Variants in NPAS3 observed in about 807,000 individuals in gnomAD.
NPAS3 encodes the protein neuronal PAS domain protein 3, also known as neuronal PAS domain-containing protein 3.
In NPAS3, 14 loss-of-function variants were observed where a neutral mutation model predicts 73.1. The ratio of observed to expected loss-of-function variants is 0.19; its 90% confidence interval spans 0.13 to 0.30. The LOEUF is 0.30. Ranked by LOEUF, NPAS3 falls within the 10% of genes least tolerant of loss-of-function variation. The pLI is 1.00. For synonymous variants in NPAS3, 620 were observed against 541.5 expected, an observed-to-expected ratio of 1.14 and a Z score of -2.01; for missense variants, 1,096 against 1,250.0, an observed-to-expected ratio of 0.88 and a Z score of 1.86.
chr14:33,774,408 C>T (rs1020789231), exon 8 of NPAS3: 2 of 1,614,150 alleles, frequency 1.2e-6, no homozygotes, highest in Admixed American at 1.7e-5. Context: ...CCAGCCAAAT[C>T]ATGGGTCTCG....
chr14:33,629,575 T>A lies in NPAS3; in HGVS notation c.559-46636T>A, dbSNP rs1448477104. ...TCAATGGTTTTTTTTGTTGTTTTTGTTTTTTTTTTTAACACATTCCCTCTA... is the reference window on the plus strand; with the variant it reads ...TCAATGGTTTTTTTTGTTGTTTTTGATTTTTTTTTTAACACATTCCCTCTA... On this transcript the variant is annotated intron_variant, in intron 5 of 11. Coordinates refer to ENST00000356141, the Ensembl canonical transcript of NPAS3. Among the ~76,000 whole-genome samples, 4 of 128,530 alleles carry A rather than the reference T, an allele frequency of 3.1e-5. No homozygotes were observed. In the East Asian group the frequency reaches 1.0e-3, roughly 34 times the overall value. 84.3% of individuals were successfully genotyped at this position (128,530 alleles called of 152,430 possible).
chr14:33,179,191 G>GT lies in NPAS3; in HGVS notation c.141-35988dup, dbSNP rs574592608. On this transcript the variant is annotated intron_variant, in intron 2 of 11. Transcript: ENST00000356141. ...TTATGTTAATATGATGTTGGAGTTGGTTTGCTAGAGGAAGCTATATGAGTC... is the reference window on the plus strand; with the variant it reads ...TTATGTTAATATGATGTTGGAGTTGGTTTTGCTAGAGGAAGCTATATGAGTC... Among the ~76,000 whole-genome samples, 81 of 152,110 alleles carry GT rather than the reference G, an allele frequency of 5.3e-4. 1 individual carries two copies. Among genetic ancestry groups the GT allele is most frequent in the Admixed American group, 4.9e-3 (75 of 15,274 alleles).
intron 5 of NPAS3, among the ~76,000 whole-genome samples, chr14:33,565,307 A>T (rs189004098): frequency 5.9e-5 from 9 of 152,262 alleles, no homozygotes; most frequent in African/African-American, 2.2e-4. Flanking sequence ...GCTACAGCAC[A>T]CAAGTACAAG....
chr14:33,382,014 G>A (rs927933747), intron 4 of NPAS3, among the ~76,000 whole-genome samples: 1 of 152,084 alleles, frequency 6.6e-6, no homozygotes. Flanking sequence ...ATCATTTGGG[G>A]CCACATCAAC....
intron 4 of NPAS3, among the ~76,000 whole-genome samples, chr14:33,438,711 G>T (rs182943983): frequency 6.6e-6 from 1 of 152,002 alleles, no homozygotes; most frequent in Non-Finnish European, 1.5e-5. Context: ...CTCTAACTGT[G>T]GTAATAAATA....
At chr14:33,359,898 TAGAGG>T (rs1236386971) in intron 3 of NPAS3, among the ~76,000 whole-genome samples, 1 of 152,214 alleles carries the variant, frequency 6.6e-6, no homozygotes, top group African/African-American at 2.4e-5. Flanking sequence ...AGGTGTTTTG[TAGAGG>T]AAAGTGTTCA....
intron 4 of NPAS3, among the ~76,000 whole-genome samples, chr14:33,439,469 T>A (rs1371252234): frequency 6.6e-6 from 1 of 152,244 alleles, no homozygotes; most frequent in African/African-American, 2.4e-5. Flanking sequence ...GTGTGAGGCA[T>A]GAACTTGACC....
chr14:33,049,147 A>T (rs1215005750), intron 1 of NPAS3, among the ~76,000 whole-genome samples: 2 of 152,228 alleles, frequency 1.3e-5, no homozygotes, highest in Non-Finnish European at 2.9e-5. Flanking sequence ...TACCTGCACA[A>T]TGAATAACAA....
intron 2 of NPAS3, among the ~76,000 whole-genome samples, chr14:33,080,537 C>A (rs1203531303): frequency 6.6e-6 from 1 of 152,158 alleles, no homozygotes; most frequent in African/African-American, 2.4e-5. Context: ...TAAGAATAGC[C>A]AAGTTCAGAG....
At chr14:33,086,300 TG>T (rs2042023851) in intron 2 of NPAS3, among the ~76,000 whole-genome samples, 1 of 152,200 alleles carries the variant, frequency 6.6e-6, no homozygotes, top group African/African-American at 2.4e-5. Context: ...ATTCTTGTTT[TG>T]GTTTAATGTT....
upstream of NPAS3, chr14:32,939,185 C>A (rs1298653089): frequency 4.1e-5 from 9 of 217,174 alleles, no homozygotes; most frequent in Admixed American, 3.2e-4. Flanking sequence ...GCCCGCCGGG[C>A]AGCCCAGAGC....
At chr14:33,305,126 G>T (rs1234967399) in intron 3 of NPAS3, among the ~76,000 whole-genome samples, 1 of 152,060 alleles carries the variant, frequency 6.6e-6, no homozygotes, top group Non-Finnish European at 1.5e-5. Context: ...TTTTTTAAAA[G>T]TATGGGATTA....
chr14:33,503,337 G>A (rs4981194), intron 4 of NPAS3, among the ~76,000 whole-genome samples: 77,232 of 151,592 alleles, frequency 0.51, 19,932 homozygotes, highest in South Asian at 0.68. Flanking sequence ...TAACTCAGAG[G>A]CAAAATACTT....
chr14:32,942,766 A>G (rs904904076), intron 1 of NPAS3, among the ~76,000 whole-genome samples: 5 of 152,228 alleles, frequency 3.3e-5, no homozygotes, highest in African/African-American at 1.2e-4. Flanking sequence ...GATTATATGC[A>G]TTGTCTAACA....
At chr14:33,625,730 G>T (rs2058200706) in intron 5 of NPAS3, among the ~76,000 whole-genome samples, 1 of 152,156 alleles carries the variant, frequency 6.6e-6, no homozygotes, top group Non-Finnish European at 1.5e-5. Flanking sequence ...TTCACCAAAG[G>T]TAATGCTGTG....
intron 1 of NPAS3, among the ~76,000 whole-genome samples, chr14:33,009,736 C>G (rs997290059): frequency 6.6e-6 from 1 of 152,018 alleles, no homozygotes; most frequent in Non-Finnish European, 1.5e-5. Flanking sequence ...GGTGAGGAAC[C>G]TAGGTTTAGA....
Position 32,966,770 on chromosome 14 carries a change from C to T in NPAS3, c.50+27404C>T, listed in dbSNP as rs1343565583. On this transcript the variant is annotated intron_variant, in intron 1 of 11. Transcript: ENST00000356141. ...CCGGCCTGGGCGACAGAGCGAGACT[C>T]CGTCTCAAAAAAAAAAAAAAAAAAA... Among the ~76,000 whole-genome samples the T allele has an allele frequency of 2.2e-4, 14 of 63,584 alleles. 1 individual carries two copies. The highest frequency in any genetic ancestry group is 4.4e-4 in the Non-Finnish European group (13 of 29,644). The allele number at this position is 63,584 out of a possible 152,430, so 41.7% of individuals were successfully genotyped here.
rs2053395055 is a variant in NPAS3, at chr14:33,518,263, G to C, written c.469-41858G>C. 2.0e-5 allele frequency among the ~76,000 whole-genome samples: 3 copies of C among 151,848 alleles called. No homozygotes were observed. The South Asian group carries it at 6.2e-4, about 32-fold the overall frequency. ...ATAAATTGATGCAGAGGCCCTGGAGGTAAACAGCTAGAGGAGAGGTAACTC... is the reference window on the plus strand; with the variant it reads ...ATAAATTGATGCAGAGGCCCTGGAGCTAAACAGCTAGAGGAGAGGTAACTC... On this transcript the variant is annotated intron_variant, in intron 4 of 11. Transcript: ENST00000356141.
chr14:33,515,158 C>T (rs2053238243), intron 4 of NPAS3, among the ~76,000 whole-genome samples: 1 of 152,068 alleles, frequency 6.6e-6, no homozygotes, highest in Non-Finnish European at 1.5e-5. Flanking sequence ...CACACAAACA[C>T]ATAGCATGGC....
Sources: allele counts gnomAD v4.1 joint callset (sites outside exome capture counted in the v4.1 genomes callset), GRCh38; gene constraint gnomAD v4.1.1; transcripts MANE v1.5; gene names NCBI Gene and HGNC (gene_info 2026-07-23, HGNC 2026-07-21).